AGO3: variants seen among roughly 807,000 people sequenced by gnomAD.
AGO3 encodes the protein argonaute RISC catalytic component 3, also known as protein argonaute-3.
AGO3 carries 16 observed loss-of-function variants against 105.5 expected under a neutral mutation model. The ratio of observed to expected loss-of-function variants is 0.15; its 90% CI spans 0.10 to 0.23. The LOEUF (loss-of-function observed/expected upper bound fraction) is 0.23. Among genes scored for constraint, AGO3 ranks in the 10% least tolerant of loss-of-function variants. The pLI is 1.00. For synonymous variants in AGO3, 340 were observed against 367.3 expected, an observed-to-expected ratio of 0.93 and a Z score of 0.85; for missense variants, 534 against 1,088.0, an observed-to-expected ratio of 0.49 and a Z score of 7.16.
chr1:36,036,759 A>G (rs1642027980), intron 14 of AGO3, among the ~76,000 whole-genome samples: 1 of 152,124 alleles, frequency 6.6e-6, no homozygotes, highest in South Asian at 2.1e-4. Context: ...CAATGACACA[A>G]TCTCGGCTCA....
At chr1:35,975,544 TTTG>T (rs1646941238) in intron 5 of AGO3, among the ~76,000 whole-genome samples, 1 of 152,200 alleles carries the variant, frequency 6.6e-6, no homozygotes, top group African/African-American at 2.4e-5. Context: ...TGATGTTTTT[TTTG>T]TTGTTGTTTT....
chr1:35,961,727 A>G (rs1382478267), intron 2 of AGO3, among the ~76,000 whole-genome samples: 1 of 152,238 alleles, frequency 6.6e-6, no homozygotes, highest in African/African-American at 2.4e-5. Flanking sequence ...TCCAAGATGT[A>G]AAATGATCTG....
chr1:36,029,902 A>G (rs1260043368), intron 12 of AGO3, among the ~76,000 whole-genome samples: 2 of 150,920 alleles, frequency 1.3e-5, no homozygotes, highest in East Asian at 3.9e-4. Flanking sequence ...CATGTTGGCC[A>G]GGGTGGTCTC....
At position 36,055,000 on chromosome 1, in the gene AGO3, G is replaced by A. The variant is rs1642869104; in HGVS notation, c.2329G>A (p.Ala777Thr). 1 of 1,614,178 alleles carries A rather than the reference G, an allele frequency of 6.2e-7. No homozygotes were observed. Among genetic ancestry groups the A allele is most frequent in the Non-Finnish European group, 8.5e-7 (1 of 1,180,038 alleles). Residue 777 changes from alanine to threonine, a missense_variant, in exon 18 of 19, where the codon GCA (alanine) becomes ACA (threonine). By Grantham distance (58) the Ala-to-Thr change is moderately conservative. Transcript: ENST00000373191. ...TTTATGGGATGATAACTGCTTTACT[G>A]CAGATGAACTTCAGCTGCTAACTTA... is the stretch of plus-strand genomic sequence containing the variant. Reference protein sequence around the residue: ...HVLWDDNCFTADELQLLTYQL... With the variant: ...HVLWDDNCFTTDELQLLTYQL...
At chr1:35,943,707 G>A (rs1270915045) in intron 1 of AGO3, among the ~76,000 whole-genome samples, 3 of 151,024 alleles carry the variant, frequency 2.0e-5, no homozygotes, top group African/African-American at 4.9e-5. Flanking sequence ...GGGCTCAAGC[G>A]ATTCTACCAC....
intron 11 of AGO3, among the ~76,000 whole-genome samples, chr1:36,022,824 C>T (rs1243521421): frequency 6.6e-6 from 1 of 150,460 alleles, no homozygotes; most frequent in Non-Finnish European, 1.5e-5. Context: ...CTCAGCTACT[C>T]GGGAGGCAGA....
chr1:36,012,266 T>C (rs920233342), intron 9 of AGO3, among the ~76,000 whole-genome samples: 1 of 150,640 alleles, frequency 6.6e-6, no homozygotes, highest in East Asian at 1.9e-4. Flanking sequence ...CCCCAGGAGA[T>C]TGAAGTTGCA....
intron 17 of AGO3, among the ~76,000 whole-genome samples, chr1:36,047,983 AG>A (rs1405519769): frequency 6.6e-6 from 1 of 152,210 alleles, no homozygotes; most frequent in Non-Finnish European, 1.5e-5. Context: ...GAACCCTAAA[AG>A]GTTCTTCCCA....
intron 11 of AGO3, among the ~76,000 whole-genome samples, chr1:36,021,305 GTAAT>G (rs1484018459): frequency 6.6e-6 from 1 of 152,082 alleles, no homozygotes; most frequent in Non-Finnish European, 1.5e-5. Context: ...TTAGAATTAA[GTAAT>G]TAACTGTGGA....
intron 2 of AGO3, among the ~76,000 whole-genome samples, chr1:35,962,521 T>C (rs60323486): frequency 0.089 from 13,039 of 145,774 alleles, 1,996 homozygotes; most frequent in East Asian, 0.68. Context: ...CCAGCCTGGG[T>C]GACAGAGCGA....
chr1:36,053,415 G>T (rs1642798111), intron 17 of AGO3, among the ~76,000 whole-genome samples: 1 of 151,972 alleles, frequency 6.6e-6, no homozygotes, highest in Non-Finnish European at 1.5e-5. Flanking sequence ...CAAGTAGCTG[G>T]ACTACAGGCA....
At chr1:35,987,283 A>G (rs374971754) in intron 5 of AGO3, among the ~76,000 whole-genome samples, 167 of 151,190 alleles carry the variant, frequency 1.1e-3, no homozygotes, top group African/African-American at 3.8e-3. Flanking sequence ...AGCCGAGATC[A>G]TGCCACTGCG....
chr1:35,987,425 G>A (rs1478845868), intron 5 of AGO3, among the ~76,000 whole-genome samples: 4 of 145,138 alleles, frequency 2.8e-5, no homozygotes, highest in Non-Finnish European at 4.6e-5. Context: ...CCCAGGAGAC[G>A]GAGGTTGCAG....
At chr1:36,038,674 C>T (rs776035367) in intron 14 of AGO3, among the ~76,000 whole-genome samples, 7 of 152,144 alleles carry the variant, frequency 4.6e-5, no homozygotes, top group Non-Finnish European at 8.8e-5. Context: ...CAGTGACCAG[C>T]TCTAGGCTCT....
rs1256441526 is a variant in AGO3 at position 36,057,453 on chromosome 1, TG to T, written c.*1710del. ...TGCTTTAATAATTATAGAATTGTAT[TG>T]GCAGCATCTTTTATAGAAATATAAT... On this transcript the variant is annotated 3_prime_UTR_variant, in exon 19 of 19. Coordinates refer to ENST00000373191, the MANE Select transcript of AGO3 (RefSeq NM_024852.4). The T allele has an allele frequency of 6.6e-6, 1 of 152,134 alleles. No individual in the cohort carries two copies. The highest frequency in any genetic ancestry group is 1.5e-5 in the Non-Finnish European group (1 of 68,036). 9.4% of individuals were successfully genotyped at this position (152,134 alleles called of 1,614,324 possible). A position where few individuals can be genotyped will look rare whatever the true frequency, so the allele number is the denominator to read the frequency against.
At position 36,033,336 on chromosome 1, in the gene AGO3, C is replaced by CAA. The variant is rs80275011; in HGVS notation, c.1592-826_1592-825dup. On this transcript the variant is annotated intron_variant, in intron 12 of 18. Coordinates refer to ENST00000373191, the MANE Select transcript of AGO3 (RefSeq NM_024852.4). ...TGGGTGACAGAATGTGACTCCATCTCAAAAAAAAAAAAAGAAGTTATGGCT... is the reference window on the plus strand; with the variant it reads ...TGGGTGACAGAATGTGACTCCATCTCAAAAAAAAAAAAAAAGAAGTTATGGCT... Among the ~76,000 whole-genome samples the CAA allele has an allele frequency of 7.3e-3, 912 of 125,028 alleles. 8 individuals are homozygous for CAA. Among genetic ancestry groups the CAA allele is most frequent in the African/African-American group, 0.026 (866 of 33,894 alleles). The allele number at this position is 125,028 out of a possible 152,430, so 82.0% of individuals were successfully genotyped here. A position where few individuals can be genotyped will look rare whatever the true frequency, so the allele number is the denominator to read the frequency against.
At chr1:35,983,971 A>G (rs1229658178) in intron 5 of AGO3, among the ~76,000 whole-genome samples, 1 of 152,174 alleles carries the variant, frequency 6.6e-6, no homozygotes, top group Non-Finnish European at 1.5e-5. Flanking sequence ...GGGACTCTTC[A>G]GTATGTAAAT....
At chr1:35,995,209 A>AATATATATATATATATATAT (rs748081363) in intron 5 of AGO3, among the ~76,000 whole-genome samples, 1 of 114,790 alleles carries the variant, frequency 8.7e-6, no homozygotes, top group African/African-American at 3.8e-5. Context: ...TAAAAAAAAA[A>AATATATATATATATATATAT]ATATATATAT....
At chr1:35,975,516 T>C (rs549764115) in intron 5 of AGO3, among the ~76,000 whole-genome samples, 1 of 152,230 alleles carries the variant, frequency 6.6e-6, no homozygotes, top group African/African-American at 2.4e-5. Flanking sequence ...GCTATTTGTC[T>C]TTTGACCTTT....
Sources: gnomAD v4.1 joint callset for allele counts (sites outside exome capture counted in the v4.1 genomes callset) on GRCh38, gnomAD v4.1.1 for gene constraint, MANE v1.5 for transcripts, NCBI Gene and HGNC (gene_info 2026-07-23, HGNC 2026-07-21) for gene names.